TTC19: variants seen among roughly 807,000 people sequenced by gnomAD.
TTC19 encodes tetratricopeptide repeat domain 19, also known as tetratricopeptide repeat protein 19, mitochondrial.
In TTC19, 38 loss-of-function variants were observed where a neutral mutation model predicts 49.5. The observed-to-expected ratio is 0.77, with a 90% CI of 0.59 to 1.01. TTC19 has a LOEUF of 1.01. Among genes scored for constraint, TTC19 ranks in the 50% least tolerant of loss-of-function variants. TTC19 has a pLI of 0.00. For missense variants in TTC19, 475 were observed against 477.7 expected (o/e 0.99, Z 0.05); for synonymous variants, 204 against 185.2 (o/e 1.10, Z -0.83).
At position 16,013,326 on chromosome 17, in the gene TTC19, A is replaced by T. The variant is rs115970563; in HGVS notation, c.676+6758A>T. 7.5e-3 allele frequency among the ~76,000 whole-genome samples: 1,148 copies of T among 152,300 alleles called. 15 individuals are homozygous for T. Among genetic ancestry groups the T allele is most frequent in the African/African-American group, 0.026 (1,067 of 41,570 alleles). On this transcript the variant is annotated intron_variant, in intron 7 of 9. Coordinates refer to ENST00000261647, the MANE Select transcript of TTC19 (RefSeq NM_017775.4). ...TTTCTAATTTCCTTTGCTTTTATTC[A>T]TCTTTAATAAATACTGAGTAGCTGT...
chr17:16,023,860 ACT>A (rs1360370057), intron 7 of TTC19: 4 of 152,196 alleles, frequency 2.6e-5, no homozygotes, highest in South Asian at 2.1e-4. Context: ...TCTTCCTTAA[ACT>A]CTATGCCACT....
intron 7 of TTC19, among the ~76,000 whole-genome samples, chr17:16,009,509 T>C (rs1437403617): frequency 1.3e-5 from 2 of 152,150 alleles, no homozygotes; most frequent in East Asian, 1.9e-4. Context: ...ACTTTTTTTT[T>C]CCAGGCAAAG....
intron 7 of TTC19, among the ~76,000 whole-genome samples, chr17:16,017,290 G>A (rs1971242510): frequency 1.3e-5 from 2 of 151,508 alleles, no homozygotes; most frequent in Non-Finnish European, 2.9e-5. Context: ...AATTAGTGAG[G>A]CGAAAAAAAT....
At chr17:16,040,965 T>C (rs1409899482) in intron 2 of TTC19, 3 of 166,512 alleles carry the variant, frequency 1.8e-5, no homozygotes, top group East Asian at 3.4e-4. Context: ...AGGAAAATGC[T>C]GTTCTCAGAA....
At chr17:16,044,374 GAC>G in intron 2 of TTC19, 1 of 470,936 alleles carries the variant, frequency 2.1e-6, no homozygotes, top group Non-Finnish European at 4.4e-6. Context: ...TCACAAGAGT[GAC>G]ACAGATCTAA....
intron 4 of TTC19, 125 bp from the exon 5 acceptor site, chr17:16,003,706 G>T: frequency 1.2e-6 from 1 of 825,432 alleles, no homozygotes; most frequent in African/African-American, 1.7e-5. Flanking sequence ...GTGAGTGTGC[G>T]TGTGTGTGGG....
Position 16,029,145 on chromosome 17 carries a change from G to A in TTC19, c.*1623G>A, listed in dbSNP as rs1221005248. The A allele has an allele frequency of 4.4e-6, 2 of 452,774 alleles. No individual in the cohort carries two copies. The highest frequency in any genetic ancestry group is 6.9e-5 in the East Asian group (1 of 14,402). 28.0% of individuals were successfully genotyped at this position (452,774 alleles called of 1,614,324 possible). ...TTTTTACCTTTTCACAACTGCAGGG[G>A]TTACTGAAAGGTTTTTCATTCCAAG... On this transcript the variant is annotated 3_prime_UTR_variant, in exon 10 of 10. Coordinates refer to ENST00000261647, the MANE Select transcript of TTC19 (RefSeq NM_017775.4).
chr17:16,027,624 G>T lies in TTC19; in HGVS notation c.*102G>T. 3 of 1,400,958 alleles carry T rather than the reference G, an allele frequency of 2.1e-6. No homozygotes were observed. Among genetic ancestry groups the T allele is most frequent in the African/African-American group, 1.4e-5 (1 of 70,302 alleles). 86.8% of individuals were successfully genotyped at this position (1,400,958 alleles called of 1,614,324 possible). On this transcript the variant is annotated 3_prime_UTR_variant, in exon 10 of 10. Transcript: ENST00000261647. ...TCAATGGCTTAAATCTGTCGTTTTT[G>T]ATATTCAGGTTTCCTCAATTTAGCC...
At chr17:16,022,432 GTTGA>G (rs1427749739) in intron 7 of TTC19, among the ~76,000 whole-genome samples, 1 of 152,204 alleles carries the variant, frequency 6.6e-6, no homozygotes, top group African/African-American at 2.4e-5. Context: ...GTGCTAATCA[GTTGA>G]TTAACAAGAG....
At position 16,008,748 on chromosome 17, in the gene TTC19, ACTGTTCT is replaced by A. The variant is rs1292306034; in HGVS notation, c.676+2183_676+2189del. Among the ~76,000 whole-genome samples the A allele has an allele frequency of 3.3e-5, 5 of 151,860 alleles. No homozygotes were observed. In the East Asian group the frequency reaches 9.7e-4, roughly 29 times the overall value. ...TTTGCTTGATATTCCCCCTACCTAG[ACTGTTCT>A]CTCTTACCTTTCTCTGGCCAACTCC... On this transcript the variant is annotated intron_variant, in intron 7 of 9. Coordinates refer to ENST00000261647, the MANE Select transcript of TTC19 (RefSeq NM_017775.4).
Position 16,000,457 on chromosome 17 carries a change from T to C in TTC19, c.312+212T>C, listed in dbSNP as rs960724070. ...AAGGCCTGCAGTAAAACCTCTGCAG[T>C]GTCAAGTGCAAATGGAGATGGCGCC... is the stretch of plus-strand genomic sequence containing the variant. On this transcript the variant is annotated intron_variant, in intron 2 of 9. Coordinates refer to ENST00000261647, the MANE Select transcript of TTC19 (RefSeq NM_017775.4). The C allele has an allele frequency of 2.3e-5, 32 of 1,372,698 alleles. 1 individual carries two copies. Among genetic ancestry groups the C allele is most frequent in the Middle Eastern group, 5.4e-4 (2 of 3,710 alleles). The allele number at this position is 1,372,698 out of a possible 1,614,324, so 85.0% of individuals were successfully genotyped here.
At chr17:16,001,509 A>G (rs1970732221) in intron 2 of TTC19, among the ~76,000 whole-genome samples, 1 of 152,136 alleles carries the variant, frequency 6.6e-6, no homozygotes, top group Non-Finnish European at 1.5e-5. Context: ...CCTAAGTCCT[A>G]TTTAGAGGAG....
At position 16,042,275 on chromosome 17, in the gene TTC19, TATC is replaced by T. The variant is rs924018336; in HGVS notation, c.248-2225_248-2223del. 2.0e-5 allele frequency among the ~76,000 whole-genome samples: 3 copies of T among 150,386 alleles called. No individual in the cohort carries two copies. The Admixed American group carries it at 2.0e-4, about 10-fold the overall frequency. ...TGAGCCTGAAACAGCAGAGCCCTGT[TATC>T]ATGAAGTGTGTGGAACAGGAGTCAT... is the stretch of plus-strand genomic sequence containing the variant. On this transcript the variant is annotated intron_variant, in intron 2 of 2. Transcript: ENST00000470649.
At chr17:16,016,517 T>G (rs1392120596) in intron 7 of TTC19, among the ~76,000 whole-genome samples, 3 of 151,986 alleles carry the variant, frequency 2.0e-5, no homozygotes, top group African/African-American at 7.2e-5. Flanking sequence ...TATTCAAGTC[T>G]TCTGGGTCCT....
rs185060115 is a variant in TTC19 at position 16,025,558 on chromosome 17, A to G, written c.831+387A>G. On this transcript the variant is annotated intron_variant, in intron 8 of 9. Coordinates refer to ENST00000261647, the MANE Select transcript of TTC19 (RefSeq NM_017775.4). ...AATATCCTTGCCTCCCTTGCCCCAC[A>G]GTTAAAATGGCAAGAGGTGAGGGAA... is the stretch of plus-strand genomic sequence containing the variant. Among the ~76,000 whole-genome samples, 45 of 152,346 alleles carry G rather than the reference A, an allele frequency of 3.0e-4. 1 individual carries two copies. Among genetic ancestry groups the G allele is most frequent in the Middle Eastern group, 3.4e-3 (1 of 294 alleles).
chr17:16,044,486 G>T (rs1168896177), intron 2 of TTC19: 1 of 476,146 alleles, frequency 2.1e-6, no homozygotes, highest in Non-Finnish European at 4.3e-6. Flanking sequence ...AAATAAAGCA[G>T]ATCGTCCTTT....
Position 16,028,180 on chromosome 17 carries a change from TTTATATA to T in TTC19, c.*659_*665del. Reference sequence around the variant, plus strand: ...TTATATAAAACTAAAAATGGGGGTGTTTATATAAAACTAAAAACTAAGAATGATGTAA... The same window carrying T: ...TTATATAAAACTAAAAATGGGGGTGTAAACTAAAAACTAAGAATGATGTAA... On this transcript the variant is annotated 3_prime_UTR_variant, in exon 10 of 10. Coordinates refer to ENST00000261647, the MANE Select transcript of TTC19 (RefSeq NM_017775.4). The T allele has an allele frequency of 2.2e-6, 1 of 453,954 alleles. No homozygotes were observed. Among genetic ancestry groups the T allele is most frequent in the Non-Finnish European group, 4.4e-6 (1 of 226,748 alleles). 28.1% of individuals were successfully genotyped at this position (453,954 alleles called of 1,614,324 possible). A position where few individuals can be genotyped will look rare whatever the true frequency, so the allele number is the denominator to read the frequency against.
At chr17:16,033,807 CTTTT>C (rs538783920), downstream of TTC19, among the ~76,000 whole-genome samples, 253 of 152,034 alleles carry the variant, frequency 1.7e-3, no homozygotes, top group Non-Finnish European at 2.8e-3. Context: ...CAGATGATGG[CTTTT>C]TTTGTTTTTG....
intron 7 of TTC19, among the ~76,000 whole-genome samples, chr17:16,018,087 G>T (rs1455695919): frequency 6.6e-6 from 1 of 152,040 alleles, no homozygotes; most frequent in African/African-American, 2.4e-5. Context: ...TCTGTGATCT[G>T]GAATTTTAGA....
Sources: allele counts gnomAD v4.1 joint callset (sites outside exome capture counted in the v4.1 genomes callset), GRCh38; gene constraint gnomAD v4.1.1; transcripts MANE v1.5; gene names NCBI Gene and HGNC (gene_info 2026-07-23, HGNC 2026-07-21).